KTN1: variants seen among roughly 807,000 people sequenced by gnomAD.
The protein encoded by KTN1 is kinectin 1, also known as kinectin.
Under a neutral mutation model 222.5 loss-of-function variants are expected in KTN1, and 130 were observed. The observed-to-expected ratio is 0.58, with a 90% CI of 0.51 to 0.68. The LOEUF is 0.68. KTN1 is among the 30% of genes least tolerant of loss of function. KTN1 has a pLI of 0.00. For missense variants in KTN1, 1,508 were observed against 1,500.4 expected, an observed-to-expected ratio of 1.01 and a Z score of -0.08; for synonymous variants, 512 against 496.3, an observed-to-expected ratio of 1.03 and a Z score of -0.42.
intron 25 of KTN1, 146 bp downstream of exon 25, chr14:55,652,073 A>G (rs2042978041): frequency 1.7e-6 from 1 of 580,324 alleles, no homozygotes; most frequent in South Asian, 2.6e-5. Flanking sequence ...AAGGGCCCTA[A>G]GTTTCTTATT....
chr14:55,663,522 G>A (rs1181126416), intron 32 of KTN1: 10 of 163,336 alleles, frequency 6.1e-5, no homozygotes, highest in East Asian at 1.8e-4. Flanking sequence ...GAGAAAAAAC[G>A]TTACACTGCA....
Position 55,637,768 on chromosome 14 carries a change from A to G in KTN1, c.1717-11A>G, listed in dbSNP as rs776829824. ...CATGCTTTTTCTCTTTTTGGTTGCT[A>G]TTTATGAAAGGATATTTTGGAGCAG... On this transcript the variant is annotated splice_polypyrimidine_tract_variant and intron_variant, in intron 11 of 43. Transcript: ENST00000395314. 19 of 1,603,214 alleles carry G rather than the reference A, an allele frequency of 1.2e-5. No homozygotes were observed. Among genetic ancestry groups the G allele is most frequent in the South Asian group, 2.2e-5 (2 of 89,856 alleles).
rs899117760 is a variant in KTN1 at position 55,664,133 on chromosome 14, A to G, written c.3177+92A>G. On this transcript the variant is annotated intron_variant, in intron 33 of 43. Transcript: ENST00000395314. The stretch of plus-strand genomic sequence containing the variant: ...GACTAAAGCATTTACTTTTACTGCA[A>G]TTTAAATATAAAATCTCCTTATCCA... The G allele has an allele frequency of 2.0e-5, 15 of 756,206 alleles. No homozygotes were observed. In the East Asian group the frequency reaches 2.8e-4, roughly 14 times the overall value. 46.8% of individuals were successfully genotyped at this position (756,206 alleles called of 1,614,324 possible). A position where few individuals can be genotyped will look rare whatever the true frequency, so the allele number is the denominator to read the frequency against.
intron 9 of KTN1, among the ~76,000 whole-genome samples, chr14:55,635,807 T>TA (rs2041057622): frequency 6.6e-6 from 1 of 152,244 alleles, no homozygotes; most frequent in African/African-American, 2.4e-5. Flanking sequence ...TGTACTTTGA[T>TA]ACCAGTTCCA....
intron 16 of KTN1, 59 bp downstream of exon 16, chr14:55,641,029 C>T: frequency 1.3e-6 from 2 of 1,501,440 alleles, no homozygotes; most frequent in Non-Finnish European, 1.9e-6. Flanking sequence ...ATAATTGTTG[C>T]AGAAAATATT....
At chr14:55,671,705 C>T in intron 36 of KTN1, 50 bp downstream of exon 36, 1 of 1,532,656 alleles carries the variant, frequency 6.5e-7, no homozygotes, top group Non-Finnish European at 9.0e-7. Context: ...AAATCATTAC[C>T]TTCTTCCTTC....
At chr14:55,647,930 C>A (rs531323133) in intron 19 of KTN1, 95 bp from the exon 20 acceptor site, 2 of 293,100 alleles carry the variant, frequency 6.8e-6, no homozygotes, top group African/African-American at 2.3e-5. Context: ...GGCGACAGAG[C>A]GAGTCTCTGT....
chr14:55,619,130 T>C, intron 4 of KTN1, 52 bp from the exon 5 acceptor site: 6 of 1,453,944 alleles, frequency 4.1e-6, no homozygotes, highest in Non-Finnish European at 4.8e-6. Context: ...GAAGTTATTA[T>C]TTGTGTTTTT....
chr14:55,621,942 G>T (rs1239366484), intron 5 of KTN1, among the ~76,000 whole-genome samples: 1 of 150,178 alleles, frequency 6.7e-6, no homozygotes, highest in Non-Finnish European at 1.5e-5. Context: ...TCTGCCTCCT[G>T]GGTTGAAGTG....
chr14:55,658,664 T>C (rs916981342), intron 30 of KTN1, 50 bp downstream of exon 30: 1 of 1,076,212 alleles, frequency 9.3e-7, no homozygotes, highest in Non-Finnish European at 1.4e-6. Flanking sequence ...AAAAAAATTA[T>C]ATAACCAGTG....
intron 18 of KTN1, among the ~76,000 whole-genome samples, chr14:55,644,748 T>A (rs2042134872): frequency 6.6e-6 from 1 of 152,056 alleles, no homozygotes. Flanking sequence ...TTGTATATGG[T>A]TTAGTTTTGG....
At chr14:55,627,455 A>G (rs1443998823) in intron 5 of KTN1, among the ~76,000 whole-genome samples, 1 of 150,932 alleles carries the variant, frequency 6.6e-6, no homozygotes, top group African/African-American at 2.4e-5. Flanking sequence ...TTTTTATTTT[A>G]TTTATTTATT....
intron 12 of KTN1, among the ~76,000 whole-genome samples, chr14:55,638,236 A>G (rs2041363038): frequency 6.6e-6 from 1 of 151,974 alleles, no homozygotes. Context: ...TATGGTAACC[A>G]TAGATCACAG....
Position 55,648,110 on chromosome 14 carries a change from C to A in KTN1, c.2293C>A (p.Leu765Met). Residue 765 changes from leucine to methionine, a missense_variant, in exon 20 of 44, where the codon CTG becomes ATG. Transcript: ENST00000395314. ...LIQVATKEEE[L>M]NAIRTENSSL... ...TCAGGTGGCAACTAAAGAAGAGGAG[C>A]TGAATGTAAAGCATTTTGTAGTTTT... The A allele has an allele frequency of 6.6e-7, 1 of 1,521,114 alleles. No homozygotes were observed. The highest frequency in any genetic ancestry group is 9.0e-7 in the Non-Finnish European group (1 of 1,115,544). 94.2% of individuals were successfully genotyped at this position (1,521,114 alleles called of 1,614,324 possible).
intron 1 of KTN1, among the ~76,000 whole-genome samples, chr14:55,592,673 G>T (rs2034348778): frequency 6.6e-6 from 1 of 152,212 alleles, no homozygotes. Flanking sequence ...CCCTCCTCCA[G>T]TCCCTATTTG....
chr14:55,680,655 G>T, intron 43 of KTN1: 1 of 1,327,700 alleles, frequency 7.5e-7, no homozygotes, highest in Non-Finnish European at 1.0e-6. Flanking sequence ...CTTCCATTTT[G>T]ATCTTACAGG....
chr14:55,656,172 T>G, intron 29 of KTN1, 40 bp downstream of exon 29: 1 of 1,366,876 alleles, frequency 7.3e-7, no homozygotes, highest in Non-Finnish European at 1.0e-6. Context: ...TTGTAAATTA[T>G]TGTCTTTGCA....
intron 1 of KTN1, among the ~76,000 whole-genome samples, chr14:55,589,656 C>CTTTTTTTTT (rs765755065): frequency 1.5e-4 from 15 of 102,092 alleles, no homozygotes; most frequent in East Asian, 3.2e-4. Context: ...CATCTGATTT[C>CTTTTTTTTT]TTTTTTTTTT....
intron 41 of KTN1, among the ~76,000 whole-genome samples, chr14:55,677,940 C>T (rs1227955272): frequency 1.3e-5 from 2 of 152,178 alleles, no homozygotes; most frequent in Non-Finnish European, 2.9e-5. Context: ...TCAGGTGATC[C>T]GCCCGCCTTG....
Sources: gnomAD v4.1 joint callset for allele counts (sites outside exome capture counted in the v4.1 genomes callset) on GRCh38, gnomAD v4.1.1 for gene constraint, MANE v1.5 for transcripts, NCBI Gene and HGNC (gene_info 2026-07-23, HGNC 2026-07-21) for gene names.